The following MTCL1 variants were observed in gnomAD, a reference collection of about 807,000 sequenced individuals.
MTCL1 encodes microtubule cross-linking factor 1.
Under a neutral mutation model 141.4 loss-of-function variants are expected in MTCL1, and 79 were observed. The ratio of observed to expected loss-of-function variants is 0.56; its 90% CI spans 0.47 to 0.67. The LOEUF is 0.67. Ranked by LOEUF, MTCL1 falls within the 30% of genes least tolerant of loss-of-function variation. MTCL1 has a pLI of 0.00. For synonymous variants in MTCL1, 914 were observed against 875.8 expected, an observed-to-expected ratio of 1.04 and a Z score of -0.77; for missense variants, 2,177 against 2,113.9, an observed-to-expected ratio of 1.03 and a Z score of -0.59.
intron 7 of MTCL1, among the ~76,000 whole-genome samples, chr18:8,791,745 CAA>C (rs2075734186): frequency 1.3e-5 from 2 of 152,196 alleles, no homozygotes; most frequent in African/African-American, 4.8e-5. Flanking sequence ...GAACCCCAAA[CAA>C]TGCTGAATAT....
At position 8,784,895 on chromosome 18, in the gene MTCL1, C is replaced by T. The variant is rs796643807; in HGVS notation, c.1731+52C>T. ...CTGCTCCGCCTTGCTCTTCCTCCTT[C>T]TCGCTGGCATTGCTGCACTCGGGCT... On this transcript the variant is annotated intron_variant, in intron 6 of 16. Coordinates refer to ENST00000359865, the Ensembl canonical transcript of MTCL1. 6.1e-6 allele frequency: 9 copies of T among 1,467,078 alleles called. 1 individual carries two copies. In the African/African-American group the frequency reaches 7.0e-5, roughly 11 times the overall value. The allele number at this position is 1,467,078 out of a possible 1,614,324, so 90.9% of individuals were successfully genotyped here.
At chr18:8,793,523 A>G (rs932548955) in intron 8 of MTCL1, among the ~76,000 whole-genome samples, 1 of 152,230 alleles carries the variant, frequency 6.6e-6, no homozygotes. Flanking sequence ...GCCTTCGGAA[A>G]ACTGCCGCAA....
intron 4 of MTCL1, among the ~76,000 whole-genome samples, chr18:8,775,889 G>A (rs1009661497): frequency 7.2e-5 from 11 of 152,006 alleles, no homozygotes; most frequent in Non-Finnish European, 1.5e-4. Context: ...TATATTTTCC[G>A]GGTCTCCAGC....
Position 8,758,302 on chromosome 18 carries a change from C to T in MTCL1, c.358-19531C>T, listed in dbSNP as rs143340311. Among the ~76,000 whole-genome samples, 447 of 152,254 alleles carry T rather than the reference C, an allele frequency of 2.9e-3. 1 individual carries two copies. The highest frequency in any genetic ancestry group is 0.02 in the Middle Eastern group (6 of 294). ...CCTCCCAAAATACTGGGATTACAGG[C>T]GTAAGCCACCACGCCTGGCCACACC... On this transcript the variant is annotated intron_variant, in intron 4 of 16. Coordinates refer to ENST00000359865, the Ensembl canonical transcript of MTCL1.
chr18:8,820,497 A>T (rs1029517546), intron 13 of MTCL1, among the ~76,000 whole-genome samples: 2 of 152,232 alleles, frequency 1.3e-5, no homozygotes, highest in Non-Finnish European at 2.9e-5. Flanking sequence ...AACACTCAAG[A>T]CTTAGAAGAG....
intron 4 of MTCL1, among the ~76,000 whole-genome samples, chr18:8,759,806 TC>T (rs1265782324): frequency 2.0e-5 from 3 of 151,656 alleles, no homozygotes; most frequent in African/African-American, 7.3e-5. Context: ...CTGCGGGGGG[TC>T]CCAGAGCTTG....
chr18:8,783,390 A>G (rs1224629837), intron 5 of MTCL1, 140 bp from the exon 5 acceptor site: 42 of 815,726 alleles, frequency 5.1e-5, no homozygotes, highest in Admixed American at 5.8e-5. Context: ...CTGTTTCTCT[A>G]TGTAACTCAG....
chr18:8,791,330 G>A (rs1340618895), intron 7 of MTCL1, among the ~76,000 whole-genome samples: 1 of 151,910 alleles, frequency 6.6e-6, no homozygotes, highest in Non-Finnish European at 1.5e-5. Flanking sequence ...TTGAATTGAT[G>A]TTACCAGTTT....
chr18:8,774,546 G>A lies in MTCL1; in HGVS notation c.358-3287G>A, dbSNP rs9945598. ...TCTGTTGCCCAGGCTGGAGTGCAACGGCGCCATCTCAGCTCAGTGCAACCT... is the reference window on the plus strand; with the variant it reads ...TCTGTTGCCCAGGCTGGAGTGCAACAGCGCCATCTCAGCTCAGTGCAACCT... On this transcript the variant is annotated intron_variant, in intron 4 of 16. Coordinates refer to ENST00000359865, the Ensembl canonical transcript of MTCL1. Among the ~76,000 whole-genome samples the A allele has an allele frequency of 8.7e-3, 1,321 of 151,508 alleles. 24 individuals carry two copies. The highest frequency in any genetic ancestry group is 0.031 in the African/African-American group (1,265 of 41,250).
chr18:8,721,504 C>A (rs1007804537), intron 4 of MTCL1, among the ~76,000 whole-genome samples: 1 of 152,226 alleles, frequency 6.6e-6, no homozygotes. Flanking sequence ...CTGCCCCCAC[C>A]CCTCTTCTCA....
chr18:8,763,032 T>A (rs2096440910), intron 4 of MTCL1, among the ~76,000 whole-genome samples: 1 of 152,204 alleles, frequency 6.6e-6, no homozygotes, highest in Admixed American at 6.5e-5. Context: ...TTCTATATAG[T>A]CTACAGGCTG....
At chr18:8,805,918 C>A (rs1008589896) in intron 10 of MTCL1, among the ~76,000 whole-genome samples, 1 of 152,156 alleles carries the variant, frequency 6.6e-6, no homozygotes, top group African/African-American at 2.4e-5. Flanking sequence ...TGATATAATG[C>A]CCTTGCTGAA....
exon 1 of MTCL1, chr18:8,706,651 G>A (rs2096059398): frequency 1.3e-6 from 2 of 1,546,276 alleles, no homozygotes; most frequent in Non-Finnish European, 1.7e-6. Context: ...CGTGCCAGCG[G>A]CGGAGGAAGA....
exon 6 of MTCL1, chr18:8,783,741 G>T: frequency 6.2e-7 from 1 of 1,610,698 alleles, no homozygotes; most frequent in Admixed American, 1.7e-5. Context: ...CTGAAGCTGC[G>T]GCTAAAGCTG....
At chr18:8,801,312 C>CT (rs34443749) in intron 10 of MTCL1, among the ~76,000 whole-genome samples, 83,132 of 143,152 alleles carry the variant, frequency 0.58, 25,401 homozygotes, top group Non-Finnish European at 0.7. Context: ...ATCTGCCTGA[C>CT]TTTTTTTTTT....
At chr18:8,758,767 C>G (rs775693713) in intron 4 of MTCL1, among the ~76,000 whole-genome samples, 1 of 152,076 alleles carries the variant, frequency 6.6e-6, no homozygotes, top group Non-Finnish European at 1.5e-5. Flanking sequence ...CAGGAGTTTG[C>G]GATCAGACAA....
rs1005881664 is a variant in MTCL1, at chr18:8,784,108, C to T, written c.996C>T (p.Ala332=). 6 of 1,613,294 alleles carry T rather than the reference C, an allele frequency of 3.7e-6. No individual in the cohort carries two copies. In the Admixed American group the frequency reaches 5.0e-5, roughly 13 times the overall value. ...CAAGTCCTGGTGCCGGGGGTGGGGC[C>T]CCCCTGCAGGAGGAGCTGAAGTCAG... The change falls in exon 6 of 17, where the codon GCC becomes GCT. Residue 332 remains alanine (A), a synonymous_variant. Coordinates refer to ENST00000359865, the Ensembl canonical transcript of MTCL1.
chr18:8,817,908 G>A (rs1426220543), intron 12 of MTCL1, among the ~76,000 whole-genome samples: 1 of 152,220 alleles, frequency 6.6e-6, no homozygotes, highest in Non-Finnish European at 1.5e-5. Context: ...AGAAAGGGAA[G>A]CAATGAGGAG....
intron 4 of MTCL1, among the ~76,000 whole-genome samples, chr18:8,745,844 T>C (rs2096334044): frequency 6.6e-6 from 1 of 152,224 alleles, no homozygotes; most frequent in Non-Finnish European, 1.5e-5. Flanking sequence ...AGAACTTCTT[T>C]CATCTTGCAG....
Sources: allele counts gnomAD v4.1 joint callset (sites outside exome capture counted in the v4.1 genomes callset), GRCh38; gene constraint gnomAD v4.1.1; transcripts MANE v1.5; gene names NCBI Gene and HGNC (gene_info 2026-07-23, HGNC 2026-07-21).